The following CTNNA2 variants were observed in gnomAD, a reference collection of about 807,000 sequenced individuals.
The protein encoded by CTNNA2 is catenin alpha-2.
In CTNNA2, 42 loss-of-function variants were observed where a neutral mutation model predicts 101.0. That is an observed-to-expected ratio of 0.42 (90% CI 0.32 to 0.54). CTNNA2 has a LOEUF of 0.54. Among genes scored for constraint, CTNNA2 ranks in the 20% least tolerant of loss-of-function variants. CTNNA2 has a pLI of 0.14. For synonymous variants in CTNNA2, 450 were observed against 456.4 expected (o/e 0.99, Z 0.18); for missense variants, 871 against 1,223.1 (o/e 0.71, Z 4.29).
At position 80,182,355 on chromosome 2, in the gene CTNNA2, C is replaced by T. The variant is rs149066157; in HGVS notation, c.1057-210856C>T. ...AGTCTAGTCCTTCCACATTCCTCTG[C>T]CTGCTTTTATCCTAGCTGTGCTGGC... On this transcript the variant is annotated intron_variant, in intron 7 of 18. Coordinates refer to ENST00000402739, the MANE Select transcript of CTNNA2 (RefSeq NM_001282597.3). Among the ~76,000 whole-genome samples the T allele has an allele frequency of 3.3e-3, 508 of 152,290 alleles. 4 individuals carry two copies. The highest frequency in any genetic ancestry group is 6.3e-3 in the Non-Finnish European group (429 of 68,022).
chr2:80,455,633 C>T (rs1009694296), intron 9 of CTNNA2, among the ~76,000 whole-genome samples: 1 of 152,186 alleles, frequency 6.6e-6, no homozygotes, highest in African/African-American at 2.4e-5. Context: ...CACAAATCCT[C>T]TCCTCATTAA....
intron 9 of CTNNA2, among the ~76,000 whole-genome samples, chr2:80,437,825 C>G (rs1574039810): frequency 6.6e-6 from 1 of 152,176 alleles, no homozygotes; most frequent in African/African-American, 2.4e-5. Context: ...TTGGTAAAAT[C>G]CCTTCTCTAC....
At chr2:79,718,193 C>A (rs981961451) in intron 2 of CTNNA2, among the ~76,000 whole-genome samples, 1 of 152,158 alleles carries the variant, frequency 6.6e-6, no homozygotes, top group Non-Finnish European at 1.5e-5. Context: ...TTTGATACGA[C>A]TTTTATTACT....
intron 7 of CTNNA2, among the ~76,000 whole-genome samples, chr2:80,175,506 C>G (rs60823902): frequency 0.017 from 2,641 of 152,200 alleles, 76 homozygotes; most frequent in African/African-American, 0.06. Context: ...TTTACTCTCT[C>G]CTTCAACAAA....
At chr2:80,630,739 AAATAATCATTTT>A (rs1672204068) in intron 18 of CTNNA2, among the ~76,000 whole-genome samples, 1 of 152,220 alleles carries the variant, frequency 6.6e-6, no homozygotes, top group East Asian at 1.9e-4. Context: ...GTGATAGTTA[AAATAATCATTTT>A]AATAATGTTA....
At position 79,260,821 on chromosome 2, in the gene CTNNA2, G is replaced by A. The variant is rs150736645; in HGVS notation, c.-405-51888G>A. Reference sequence around the variant, plus strand: ...TGAGTCCCACCACGGTCACAGCTGGGCCTTCATCCTCACTCAAGATTGACT... The same window carrying A: ...TGAGTCCCACCACGGTCACAGCTGGACCTTCATCCTCACTCAAGATTGACT... On this transcript the variant is annotated intron_variant, in intron 2 of 21. Transcript: ENST00000466387. 9.9e-3 allele frequency among the ~76,000 whole-genome samples: 1,503 copies of A among 152,210 alleles called. 18 individuals are homozygous for A. Among genetic ancestry groups the A allele is most frequent in the African/African-American group, 0.033 (1,376 of 41,522 alleles).
At chr2:79,455,153 C>T (rs977731801) in intron 4 of CTNNA2, among the ~76,000 whole-genome samples, 1 of 152,214 alleles carries the variant, frequency 6.6e-6, no homozygotes, top group African/African-American at 2.4e-5. Context: ...TCATGCATTA[C>T]AAGGCATAAT....
chr2:80,484,013 G>T (rs1559146719), intron 9 of CTNNA2, among the ~76,000 whole-genome samples: 2 of 152,050 alleles, frequency 1.3e-5, no homozygotes, highest in Non-Finnish European at 2.9e-5. Context: ...ATTATGAGAT[G>T]ATGTTCTTTG....
At position 79,860,546 on chromosome 2, in the gene CTNNA2, G is replaced by GTTTTTTTTTTTTTTTT. The variant is rs56929879; in HGVS notation, c.465+2371_465+2386dup. On this transcript the variant is annotated intron_variant, in intron 4 of 18. Coordinates refer to ENST00000402739, the MANE Select transcript of CTNNA2 (RefSeq NM_001282597.3). ...TTCTCCACACAGCCGAGTAAGGGAAGTTTTTTTTTTTTTTTTTTTAACGAT... is the reference window on the plus strand; with the variant it reads ...TTCTCCACACAGCCGAGTAAGGGAAGTTTTTTTTTTTTTTTTTTTTTTTTTTTTTTTTTTTAACGAT... Among the ~76,000 whole-genome samples, 105 of 107,178 alleles carry GTTTTTTTTTTTTTTTT rather than the reference G, an allele frequency of 9.8e-4. 5 individuals carry two copies. The highest frequency in any genetic ancestry group is 3.6e-3 in the African/African-American group (97 of 27,078). The allele number at this position is 107,178 out of a possible 152,430, so 70.3% of individuals were successfully genotyped here.
intron 1 of CTNNA2, among the ~76,000 whole-genome samples, chr2:79,188,974 A>T (rs1572970224): frequency 6.6e-6 from 1 of 152,318 alleles, no homozygotes; most frequent in Non-Finnish European, 1.5e-5. Flanking sequence ...CACTATCTGT[A>T]TTATTAAATA....
intron 4 of CTNNA2, among the ~76,000 whole-genome samples, chr2:79,482,488 C>T (rs1453954024): frequency 6.6e-6 from 1 of 152,086 alleles, no homozygotes; most frequent in Non-Finnish European, 1.5e-5. Flanking sequence ...ATTGTGGCAG[C>T]GCAGCTATTC....
chr2:80,539,443 C>T (rs1479229048), intron 9 of CTNNA2, among the ~76,000 whole-genome samples: 4 of 150,368 alleles, frequency 2.7e-5, no homozygotes, highest in African/African-American at 9.8e-5. Flanking sequence ...ATTCATTGAG[C>T]ATCTAGAAAG....
chr2:79,706,863 G>C (rs1685415934), intron 2 of CTNNA2, among the ~76,000 whole-genome samples: 1 of 152,034 alleles, frequency 6.6e-6, no homozygotes, highest in African/African-American at 2.4e-5. Context: ...GAAGTTCATT[G>C]CCCAGAGAGG....
chr2:80,368,279 A>G (rs572125507), intron 7 of CTNNA2, among the ~76,000 whole-genome samples: 6 of 152,314 alleles, frequency 3.9e-5, no homozygotes, highest in East Asian at 1.9e-4. Flanking sequence ...GAGGATTAAA[A>G]TGAAATAAGG....
At chr2:80,444,023 G>A (rs773623794) in intron 9 of CTNNA2, among the ~76,000 whole-genome samples, 4 of 152,158 alleles carry the variant, frequency 2.6e-5, no homozygotes, top group African/African-American at 9.7e-5. Context: ...CTGCTATTTG[G>A]TAAGAGACAA....
rs1694829811 is a variant in CTNNA2, at chr2:80,574,086, C to T, written c.1742-77C>T. 4.7e-6 allele frequency: 7 copies of T among 1,486,146 alleles called. 1 individual carries two copies. In the South Asian group the frequency reaches 8.8e-5, roughly 19 times the overall value. 92.1% of individuals were successfully genotyped at this position (1,486,146 alleles called of 1,614,324 possible). The stretch of plus-strand genomic sequence containing the variant: ...AACTTTTAGAATGCCCGAGGACCTG[C>T]CACTTCGCCCAAGAGCTGGAATAAG... On this transcript the variant is annotated intron_variant, in intron 12 of 18. Transcript: ENST00000402739.
At chr2:79,980,863 ATTAC>A (rs765936127) in intron 7 of CTNNA2, among the ~76,000 whole-genome samples, 17 of 152,266 alleles carry the variant, frequency 1.1e-4, no homozygotes, top group Non-Finnish European at 1.0e-4. Flanking sequence ...AAGTTGCAAT[ATTAC>A]TTATTCATTT....
At chr2:80,384,896 A>T (rs2149354514) in intron 7 of CTNNA2, among the ~76,000 whole-genome samples, 1 of 152,134 alleles carries the variant, frequency 6.6e-6, no homozygotes, top group South Asian at 2.1e-4. Context: ...CTGGTTTAAT[A>T]AGACCCTTTT....
chr2:79,189,382 A>G (rs1673822998), intron 1 of CTNNA2, among the ~76,000 whole-genome samples: 2 of 152,068 alleles, frequency 1.3e-5, no homozygotes, highest in East Asian at 3.9e-4. Flanking sequence ...TTTATTTTCT[A>G]CTTCATTGAT....
Sources: allele counts gnomAD v4.1 joint callset (sites outside exome capture counted in the v4.1 genomes callset), GRCh38; gene constraint gnomAD v4.1.1; transcripts MANE v1.5; gene names NCBI Gene and HGNC (gene_info 2026-07-23, HGNC 2026-07-21).